The following L3MBTL4 variants were observed in gnomAD, a reference collection of about 807,000 sequenced individuals.
L3MBTL4 encodes lethal(3)malignant brain tumor-like protein 4.
In L3MBTL4, 70 loss-of-function variants were observed where a neutral mutation model predicts 84.5. The ratio of observed to expected loss-of-function variants is 0.83; its 90% CI spans 0.68 to 1.01. The LOEUF is 1.01. Ranked by LOEUF, L3MBTL4 falls within the 50% of genes least tolerant of loss-of-function variation. The pLI, the probability that L3MBTL4 is intolerant of heterozygous loss-of-function variation, is 0.00. For synonymous variants in L3MBTL4, 274 were observed against 259.8 expected, an observed-to-expected ratio of 1.05 and a Z score of -0.52; for missense variants, 715 against 754.8, an observed-to-expected ratio of 0.95 and a Z score of 0.62.
rs1452238801 is a variant in L3MBTL4, at chr18:6,058,753, G to A, written c.1444+22128C>T. Among the ~76,000 whole-genome samples the A allele has an allele frequency of 3.3e-5, 5 of 152,042 alleles. 1 individual carries two copies. The highest frequency in any genetic ancestry group is 3.9e-4 in the East Asian group (2 of 5,182). ...CATCCTCTACACCCATAAATAATCCGTACATGTTCATAGACTCTAAGGATG... is the reference window on the plus strand; with the variant it reads ...CATCCTCTACACCCATAAATAATCCATACATGTTCATAGACTCTAAGGATG... On this transcript the variant is annotated intron_variant, in intron 16 of 18. Coordinates refer to ENST00000317931, the MANE Select transcript of L3MBTL4 (RefSeq NM_001330559.2).
chr18:6,363,125 A>G (rs1275266714), intron 1 of L3MBTL4, among the ~76,000 whole-genome samples: 1 of 152,180 alleles, frequency 6.6e-6, no homozygotes, highest in Non-Finnish European at 1.5e-5. Context: ...TTCTATTCCT[A>G]GTGGGAAAAA....
intron 12 of L3MBTL4, among the ~76,000 whole-genome samples, chr18:6,197,438 T>C (rs972382544): frequency 2.6e-5 from 4 of 152,194 alleles, no homozygotes; most frequent in Admixed American, 2.6e-4. Flanking sequence ...GTAAAGGACA[T>C]GATTTTGTTC....
chr18:6,234,673 G>T (rs1599268409), intron 10 of L3MBTL4, among the ~76,000 whole-genome samples: 1 of 152,204 alleles, frequency 6.6e-6, no homozygotes, highest in Non-Finnish European at 1.5e-5. Context: ...AACATCAAGT[G>T]CTGGAGAGGA....
intron 15 of L3MBTL4, among the ~76,000 whole-genome samples, chr18:6,081,433 G>T (rs999610202): frequency 6.6e-6 from 1 of 152,098 alleles, no homozygotes; most frequent in Non-Finnish European, 1.5e-5. Flanking sequence ...ATGTAGTACG[G>T]CCTAATTCTG....
At chr18:6,137,007 G>C (rs1327986829) in intron 14 of L3MBTL4, among the ~76,000 whole-genome samples, 1 of 152,162 alleles carries the variant, frequency 6.6e-6, no homozygotes, top group Non-Finnish European at 1.5e-5. Flanking sequence ...ACTTCCTTTT[G>C]CTCCTGCTCT....
intron 14 of L3MBTL4, among the ~76,000 whole-genome samples, chr18:6,111,732 T>TA (rs778139332): frequency 6.6e-6 from 1 of 152,034 alleles, no homozygotes; most frequent in African/African-American, 2.4e-5. Context: ...TGTATATACA[T>TA]ATATATATAT....
At chr18:6,198,560 G>A (rs935938103) in intron 12 of L3MBTL4, among the ~76,000 whole-genome samples, 2 of 152,026 alleles carry the variant, frequency 1.3e-5, no homozygotes, top group South Asian at 2.1e-4. Flanking sequence ...TTTTCTTCAC[G>A]TTCCTTTGTC....
At chr18:6,169,225 T>C (rs1353182833) in intron 13 of L3MBTL4, among the ~76,000 whole-genome samples, 1 of 152,190 alleles carries the variant, frequency 6.6e-6, no homozygotes, top group Non-Finnish European at 1.5e-5. Context: ...TTTTACACTG[T>C]TGGTGGGACT....
At chr18:6,002,137 G>T (rs768928238) in intron 16 of L3MBTL4, among the ~76,000 whole-genome samples, 26 of 152,064 alleles carry the variant, frequency 1.7e-4, no homozygotes, top group East Asian at 1.2e-3. Flanking sequence ...GCAGTAGAAT[G>T]ATATACTTAA....
Position 6,113,464 on chromosome 18 carries a change from CAAAAAA to C in L3MBTL4, c.1200-19942_1200-19937del, listed in dbSNP as rs34482524. ...TGTATTAATTGGAGGCAAGTGTGGG[CAAAAAA>C]AAAAAAAAAAAAAGCAAATAAAAAA... On this transcript the variant is annotated intron_variant, in intron 14 of 18. Coordinates refer to ENST00000317931, the MANE Select transcript of L3MBTL4 (RefSeq NM_001330559.2). Among the ~76,000 whole-genome samples, 518 of 113,798 alleles carry C rather than the reference CAAAAAA, an allele frequency of 4.6e-3. 3 individuals are homozygous for C. The highest frequency in any genetic ancestry group is 0.016 in the African/African-American group (485 of 30,844). 74.7% of individuals were successfully genotyped at this position (113,798 alleles called of 152,430 possible).
chr18:6,100,650 A>T (rs1457744481), intron 14 of L3MBTL4, among the ~76,000 whole-genome samples: 1 of 152,148 alleles, frequency 6.6e-6, no homozygotes, highest in Non-Finnish European at 1.5e-5. Context: ...TCAGTAGGGG[A>T]AGGGGGGCAC....
chr18:6,212,699 A>G (rs2046161043), intron 12 of L3MBTL4, among the ~76,000 whole-genome samples: 2 of 152,220 alleles, frequency 1.3e-5, no homozygotes, highest in Admixed American at 6.5e-5. Context: ...AATAATGCCA[A>G]TAAAAAGAAG....
At chr18:6,413,401 G>A (rs2056051055) in intron 1 of L3MBTL4, among the ~76,000 whole-genome samples, 1 of 151,906 alleles carries the variant, frequency 6.6e-6, no homozygotes, top group African/African-American at 2.4e-5. Context: ...CAGTGTAGTC[G>A]AATCCAATCC....
intron 12 of L3MBTL4, among the ~76,000 whole-genome samples, chr18:6,206,703 T>C (rs2045890879): frequency 6.6e-6 from 1 of 152,198 alleles, no homozygotes; most frequent in African/African-American, 2.4e-5. Context: ...ACTTTCACAC[T>C]GAAAACCAAA....
At chr18:6,258,556 T>A (rs911315539) in intron 5 of L3MBTL4, 5 of 152,106 alleles carry the variant, frequency 3.3e-5, no homozygotes, top group Non-Finnish European at 5.9e-5. Context: ...GAACTACAAG[T>A]CTTAAAAGAA....
intron 16 of L3MBTL4, chr18:6,032,403 C>CACACAA: frequency 1.5e-6 from 1 of 652,532 alleles, no homozygotes; most frequent in Non-Finnish European, 1.9e-6. Flanking sequence ...CACACACACA[C>CACACAA]ACACACACAC....
rs572794784 is a variant in L3MBTL4 at position 6,038,402 on chromosome 18, C to T, written c.1444+42479G>A. 1.2e-3 allele frequency among the ~76,000 whole-genome samples: 178 copies of T among 151,970 alleles called. 7 individuals are homozygous for T. The highest frequency in any genetic ancestry group is 0.011 in the Admixed American group (169 of 15,274). ...CGGAGTAGTTGGGACTATAGGCGTCCGCCACCGCGACCGGTTAACTTTTTT... is the reference window on the plus strand; with the variant it reads ...CGGAGTAGTTGGGACTATAGGCGTCTGCCACCGCGACCGGTTAACTTTTTT... On this transcript the variant is annotated intron_variant, in intron 16 of 18. Coordinates refer to ENST00000317931, the MANE Select transcript of L3MBTL4 (RefSeq NM_001330559.2).
chr18:6,184,536 A>G (rs2044631304), intron 12 of L3MBTL4, among the ~76,000 whole-genome samples: 1 of 152,194 alleles, frequency 6.6e-6, no homozygotes, highest in African/African-American at 2.4e-5. Context: ...CTATCTTTTC[A>G]ATTACCAACA....
intron 1 of L3MBTL4, among the ~76,000 whole-genome samples, chr18:6,351,066 C>T (rs529128119): frequency 2.0e-5 from 3 of 151,982 alleles, no homozygotes; most frequent in Non-Finnish European, 2.9e-5. Context: ...TGTGGTGGCA[C>T]GCACCTGTAA....
Sources: gnomAD v4.1 joint callset for allele counts (sites outside exome capture counted in the v4.1 genomes callset) on GRCh38, gnomAD v4.1.1 for gene constraint, MANE v1.5 for transcripts, NCBI Gene and HGNC (gene_info 2026-07-23, HGNC 2026-07-21) for gene names.